Variants in SLC39A12 observed in about 807,000 individuals in gnomAD.
SLC39A12 encodes the protein solute carrier family 39 member 12.
SLC39A12 carries 63 observed loss-of-function variants against 71.1 expected under a neutral mutation model. That is an observed-to-expected ratio of 0.89 (90% confidence interval 0.72 to 1.09). The LOEUF (loss-of-function observed/expected upper bound fraction) is 1.09, where lower values mean the gene tolerates loss of function less well. Ranked by LOEUF, SLC39A12 falls within the 50% of genes least tolerant of loss-of-function variation. SLC39A12 has a pLI of 0.00. For synonymous variants in SLC39A12, 351 were observed against 301.3 expected (o/e 1.16, Z -1.71); for missense variants, 892 against 812.6 (o/e 1.10, Z -1.19).
chr10:17,985,271 A>T (rs1316458693), intron 6 of SLC39A12, among the ~76,000 whole-genome samples: 1 of 152,164 alleles, frequency 6.6e-6, no homozygotes, highest in Non-Finnish European at 1.5e-5. Context: ...TGAGCCCGGG[A>T]GGTGGAGGTT....
At chr10:18,041,645 A>G (rs1299136182) in intron 12 of SLC39A12, among the ~76,000 whole-genome samples, 2 of 82,314 alleles carry the variant, frequency 2.4e-5, no homozygotes, top group African/African-American at 9.0e-5. Flanking sequence ...ATATATATGT[A>G]TATACATATG....
chr10:18,018,440 C>G (rs578046487), intron 12 of SLC39A12, among the ~76,000 whole-genome samples: 2 of 152,284 alleles, frequency 1.3e-5, no homozygotes, highest in South Asian at 4.1e-4. Context: ...GGTGAGAGGG[C>G]TCATCCTTGC....
intron 3 of SLC39A12, among the ~76,000 whole-genome samples, chr10:17,963,150 G>T (rs534583370): frequency 1.3e-5 from 2 of 151,698 alleles, no homozygotes; most frequent in South Asian, 4.2e-4. Context: ...AACAGAAAGA[G>T]ACCCTATCTC....
intron 12 of SLC39A12, among the ~76,000 whole-genome samples, chr10:18,029,708 A>G (rs759430770): frequency 1.3e-5 from 2 of 152,058 alleles, no homozygotes; most frequent in African/African-American, 4.8e-5. Context: ...CAATAACAGG[A>G]CTTAACTGCC....
At chr10:17,984,025 G>T (rs920333703) in intron 6 of SLC39A12, among the ~76,000 whole-genome samples, 1 of 152,190 alleles carries the variant, frequency 6.6e-6, no homozygotes, top group African/African-American at 2.4e-5. Flanking sequence ...TTATGGCCAT[G>T]TACAAATTAA....
intron 4 of SLC39A12, among the ~76,000 whole-genome samples, chr10:17,966,066 A>C (rs1402598318): frequency 6.6e-6 from 1 of 152,246 alleles, no homozygotes; most frequent in Non-Finnish European, 1.5e-5. Context: ...TGTGCAAGAC[A>C]TTTGGCAGCA....
rs1195629854 is a variant in SLC39A12 at position 18,036,746 on chromosome 10, T to TTATA, written c.1948-5913_1948-5910dup. On this transcript the variant is annotated intron_variant, in intron 12 of 12. Transcript: ENST00000377369. ...CATCTTGCAGTTAGCATTTTAAAAA[T>TTATA]TATATATATATATATATATATATAT... 5.3e-3 allele frequency among the ~76,000 whole-genome samples: 196 copies of TTATA among 37,260 alleles called. 1 individual carries two copies. Among genetic ancestry groups the TTATA allele is most frequent in the Non-Finnish European group, 7.2e-3 (136 of 18,806 alleles). The allele number at this position is 37,260 out of a possible 152,430, so 24.4% of individuals were successfully genotyped here.
chr10:18,042,730 C>G lies in SLC39A12; in HGVS notation c.1973C>G (p.Thr658Arg), dbSNP rs766042565. Residue 658 changes from threonine to arginine, a missense_variant, in exon 13 of 13, where the codon ACA becomes AGA. Thr to Arg is a moderately conservative substitution (Grantham distance 71, BLOSUM62 -1). Coordinates refer to ENST00000377369, the MANE Select transcript of SLC39A12 (RefSeq NM_001145195.2). Reference protein sequence around the residue: ...EMLPEMTHVQTQRPWMMFLLQ... With the variant: ...EMLPEMTHVQRQRPWMMFLLQ... ...CTTCCTGAAATGACTCATGTTCAAACACAACGACCCTGGATGATGTTTCTC... is the reference window on the plus strand; with the variant it reads ...CTTCCTGAAATGACTCATGTTCAAAGACAACGACCCTGGATGATGTTTCTC... 4 of 1,609,420 alleles carry G rather than the reference C, an allele frequency of 2.5e-6. No individual in the cohort carries two copies. In the South Asian group the frequency reaches 4.4e-5, roughly 18 times the overall value.
At chr10:18,000,964 A>G (rs2130842659) in intron 11 of SLC39A12, 139 bp downstream of exon 11, 1 of 872,366 alleles carries the variant, frequency 1.1e-6, no homozygotes, top group Non-Finnish European at 1.7e-6. Context: ...TTTAAACCAT[A>G]AGAAGAGGAG....
intron 4 of SLC39A12, among the ~76,000 whole-genome samples, chr10:17,966,469 C>T (rs1834826920): frequency 6.6e-6 from 1 of 151,918 alleles, no homozygotes; most frequent in Admixed American, 6.6e-5. Context: ...TGTCACCATG[C>T]CCAGCTAATT....
chr10:17,982,985 T>G (rs7085961), intron 6 of SLC39A12, among the ~76,000 whole-genome samples: 29,163 of 150,452 alleles, frequency 0.19, 2,953 homozygotes, highest in African/African-American at 0.2. Flanking sequence ...GGTCAGGAGA[T>G]CAAGACCATC....
chr10:17,964,543 G>A (rs962779649), intron 3 of SLC39A12, among the ~76,000 whole-genome samples: 1 of 152,188 alleles, frequency 6.6e-6, no homozygotes, highest in African/African-American at 2.4e-5. Flanking sequence ...TCAAATGTCT[G>A]AATGGGAATA....
At chr10:17,954,100 A>G (rs914214038) in intron 2 of SLC39A12, among the ~76,000 whole-genome samples, 11 of 152,152 alleles carry the variant, frequency 7.2e-5, no homozygotes, top group African/African-American at 1.9e-4. Flanking sequence ...CCTGAGTCAC[A>G]GCCTGATCTT....
At chr10:17,982,861 C>T (rs1835296452) in intron 6 of SLC39A12, among the ~76,000 whole-genome samples, 1 of 152,060 alleles carries the variant, frequency 6.6e-6, no homozygotes, top group Non-Finnish European at 1.5e-5. Flanking sequence ...GAATAGTCTT[C>T]CTGGGAAACC....
At chr10:17,956,351 G>C (rs568866425) in intron 2 of SLC39A12, among the ~76,000 whole-genome samples, 109 of 152,266 alleles carry the variant, frequency 7.2e-4, no homozygotes, top group Non-Finnish European at 1.4e-3. Context: ...TTAGGAATCA[G>C]ATCTCTGAGG....
Position 17,961,713 on chromosome 10 carries a change from A to C in SLC39A12, c.394A>C (p.Lys132Gln), listed in dbSNP as rs1281371726. ...TCATCAGGAAGAGATCTGTTCTTCA[A>C]AGCTCAACATGAGTAATAAAGAGTA... is the stretch of plus-strand genomic sequence containing the variant. ...IIHQEEICSS[K>Q]LNMSNKEYKF... The change falls in exon 3 of 13, where the codon AAG becomes CAG. Residue 132 changes from lysine to glutamine, a missense_variant. Lys to Gln is a moderately conservative substitution (Grantham distance 53, BLOSUM62 1). Coordinates refer to ENST00000377369, the MANE Select transcript of SLC39A12 (RefSeq NM_001145195.2). 2 of 1,614,134 alleles carry C rather than the reference A, an allele frequency of 1.2e-6. No individual in the cohort carries two copies. Among genetic ancestry groups the C allele is most frequent in the Non-Finnish European group, 1.7e-6 (2 of 1,179,984 alleles).
Position 17,981,490 on chromosome 10 carries a change from T to G in SLC39A12, c.1096+7T>G. Reference sequence around the variant, plus strand: ...CCACCTACCACTCTGGAGAGTAAGTTCTGGATCTTCCTTCAGAAAGCTGAT... The same window carrying G: ...CCACCTACCACTCTGGAGAGTAAGTGCTGGATCTTCCTTCAGAAAGCTGAT... On this transcript the variant is annotated splice_region_variant and intron_variant, in intron 6 of 12. Transcript: ENST00000377369. 1 of 1,602,376 alleles carries G rather than the reference T, an allele frequency of 6.2e-7. No homozygotes were observed. Among genetic ancestry groups the G allele is most frequent in the African/African-American group, 1.3e-5 (1 of 74,604 alleles).
intron 12 of SLC39A12, among the ~76,000 whole-genome samples, chr10:18,012,865 C>CAAAAA (rs35173291): frequency 1.9e-5 from 2 of 104,356 alleles, no homozygotes; most frequent in African/African-American, 7.4e-5. Flanking sequence ...GACTACGTCT[C>CAAAAA]AAAAAAAAAA....
At chr10:17,968,584 T>TC (rs1282310328) in intron 4 of SLC39A12, among the ~76,000 whole-genome samples, 18 of 152,176 alleles carry the variant, frequency 1.2e-4, no homozygotes, top group African/African-American at 3.6e-4. Context: ...GAATGGCTTT[T>TC]TTAAACCTTC....
Sources: allele counts gnomAD v4.1 joint callset (sites outside exome capture counted in the v4.1 genomes callset), GRCh38; gene constraint gnomAD v4.1.1; transcripts MANE v1.5; gene names NCBI Gene and HGNC (gene_info 2026-07-23, HGNC 2026-07-21).